The following STEAP4 variants were observed in gnomAD, a reference collection of about 807,000 sequenced individuals.
The protein encoded by STEAP4 is metalloreductase STEAP4.
In STEAP4, 36 loss-of-function variants were observed where a neutral mutation model predicts 43.6. The ratio of observed to expected loss-of-function variants is 0.83; its 90% confidence interval spans 0.63 to 1.09. The LOEUF (loss-of-function observed/expected upper bound fraction) is 1.09. STEAP4 is among the 50% of genes least tolerant of loss of function. The pLI, the probability that STEAP4 is intolerant of heterozygous loss-of-function variation, is 0.00. For missense variants in STEAP4, 495 were observed against 546.5 expected, an observed-to-expected ratio of 0.91 and a Z score of 0.94; for synonymous variants, 191 against 196.7, an observed-to-expected ratio of 0.97 and a Z score of 0.24.
rs560683521 is a variant in STEAP4 at position 88,271,323 on chromosome 7, C to T, written c.*8075G>A. The T allele has an allele frequency of 2.0e-5, 3 of 152,284 alleles. No individual in the cohort carries two copies. Among genetic ancestry groups the T allele is most frequent in the East Asian group, 1.9e-4 (1 of 5,192 alleles). The allele number at this position is 152,284 out of a possible 1,614,324, so 9.4% of individuals were successfully genotyped here. A position where few individuals can be genotyped will look rare whatever the true frequency, so the allele number is the denominator to read the frequency against. ...TGTCACTACTCCTCTGTTCTCCCAT[C>T]TTGTTTGGTATGGATCTTTTGAATC... On this transcript the variant is annotated 3_prime_UTR_variant, in exon 5 of 5. Coordinates refer to ENST00000380079, the MANE Select transcript of STEAP4 (RefSeq NM_024636.4).
At chr7:88,297,902 C>T (rs1362852051) in intron 1 of STEAP4, among the ~76,000 whole-genome samples, 1 of 152,092 alleles carries the variant, frequency 6.6e-6, no homozygotes, top group Non-Finnish European at 1.5e-5. Context: ...GCCAAGCCTA[C>T]CTTAAATATG....
intron 1 of STEAP4, among the ~76,000 whole-genome samples, chr7:88,286,584 C>T (rs544722783): frequency 5.5e-4 from 84 of 152,226 alleles, no homozygotes; most frequent in African/African-American, 1.8e-3. Context: ...TGGAGGCGCA[C>T]GCCTATAGTC....
At chr7:88,283,252 G>T in intron 2 of STEAP4, 84 bp from the exon 3 acceptor site, 1 of 1,339,030 alleles carries the variant, frequency 7.5e-7, no homozygotes, top group Middle Eastern at 1.9e-4. Flanking sequence ...ACAGCACCAT[G>T]CCAAATGATG....
In STEAP4 at chr7:88,303,196, A is replaced by C. The variant is rs562207830; in HGVS notation, c.-3+3596T>G. Among the ~76,000 whole-genome samples, 480 of 143,744 alleles carry C rather than the reference A, an allele frequency of 3.3e-3. 4 individuals carry two copies. The highest frequency in any genetic ancestry group is 0.011 in the African/African-American group (461 of 40,218). 94.3% of individuals were successfully genotyped at this position (143,744 alleles called of 152,430 possible). On this transcript the variant is annotated intron_variant, in intron 1 of 4. Coordinates refer to ENST00000380079, the MANE Select transcript of STEAP4 (RefSeq NM_024636.4). Reference sequence around the variant, plus strand: ...ATATAATCTGCATTAAAAAAAAAAAAAAAAAAAAAAAAACTCCAACCGGGC... The same window carrying C: ...ATATAATCTGCATTAAAAAAAAAAACAAAAAAAAAAAAACTCCAACCGGGC...
In STEAP4 at chr7:88,281,067, T is replaced by C. The variant is rs1474589419; in HGVS notation, c.997A>G (p.Lys333Glu). 20 of 1,586,734 alleles carry C rather than the reference T, an allele frequency of 1.3e-5. No individual in the cohort carries two copies. Among genetic ancestry groups the C allele is most frequent in the Non-Finnish European group, 1.6e-5 (19 of 1,171,120 alleles). The change falls in exon 4 of 5, where the codon AAG becomes GAG. Residue 333 changes from lysine (K) to glutamate (E), a missense_variant. Physicochemically the swap from Lys to Glu is moderately conservative, Grantham distance 56. Coordinates refer to ENST00000380079, the MANE Select transcript of STEAP4 (RefSeq NM_024636.4). ...GAGGAGGTGCTAAATGGATTCTCCT[T>C]CTTGAGTATTGCCTAAGAAAAATTA... ...NLTVTQAILK[K>E]ENPFSTSSAW...
rs1473401361 is a variant in STEAP4 at position 88,283,976 on chromosome 7, T to C, written c.294A>G (p.Gly98=). The C allele has an allele frequency of 3.7e-6, 6 of 1,614,092 alleles. No individual in the cohort carries two copies. The South Asian group carries it at 6.6e-5, about 18-fold the overall frequency. The change falls in exon 2 of 5, where the codon GGA becomes GGG. Residue 98 remains glycine, a synonymous_variant. Transcript: ENST00000380079. ...FLTELTEVLN[G]KILVDISNNL... ...TGTTGCTGATGTCTACCAATATTTT[T>C]CCATTGAGAACCTCAGTTAATTCTG...
chr7:88,287,553 A>G (rs1164808069), intron 1 of STEAP4, among the ~76,000 whole-genome samples: 1 of 152,204 alleles, frequency 6.6e-6, no homozygotes, highest in African/African-American at 2.4e-5. Flanking sequence ...GAGTTCTTAA[A>G]GATAATTTAA....
At chr7:88,300,793 G>A (rs1853019601) in intron 1 of STEAP4, among the ~76,000 whole-genome samples, 1 of 152,098 alleles carries the variant, frequency 6.6e-6, no homozygotes, top group South Asian at 2.1e-4. Context: ...TTGGGCTGAT[G>A]GGATAATACC....
rs1194669132 is a variant in STEAP4 at position 88,283,045 on chromosome 7, G to A, written c.580C>T (p.Leu194=). 5 of 1,613,634 alleles carry A rather than the reference G, an allele frequency of 3.1e-6. No individual in the cohort carries two copies. In the African/African-American group the frequency reaches 4.0e-5, roughly 13 times the overall value. The change falls in exon 3 of 5, where the codon CTG becomes TTG. Residue 194 remains leucine (L), a synonymous_variant. Transcript: ENST00000380079. ...AACCTCCACATTGGAAATAGCTGCA[G>A]GGGGTACTTTTCAATTTCTTTGGCT... ...MAAKEIEKYP[L]QLFPMWRFPF...
At chr7:88,283,228 T>A in intron 2 of STEAP4, 60 bp from the exon 3 acceptor site, 2 of 1,474,284 alleles carry the variant, frequency 1.4e-6, no homozygotes, top group Admixed American at 2.4e-5. Flanking sequence ...TAATAATTAT[T>A]TTGAAAGGCT....
intron 1 of STEAP4, among the ~76,000 whole-genome samples, chr7:88,287,591 G>A (rs1190012206): frequency 1.3e-5 from 2 of 152,180 alleles, no homozygotes; most frequent in Admixed American, 6.5e-5. Flanking sequence ...AAAGTGGGAA[G>A]TGCTGATTGG....
At chr7:88,282,349 A>G (rs1176196511) in intron 3 of STEAP4, 3 of 363,568 alleles carry the variant, frequency 8.3e-6, no homozygotes, top group Admixed American at 4.4e-5. Flanking sequence ...GGGTTTCACC[A>G]TGTTGGCCAG....
chr7:88,285,756 C>CAAAAAAAAAAAA (rs371254467), intron 1 of STEAP4, among the ~76,000 whole-genome samples: 1 of 78,388 alleles, frequency 1.3e-5, no homozygotes, highest in African/African-American at 5.2e-5. Context: ...GACTTTGTCT[C>CAAAAAAAAAAAA]AAAAAAAAAA....
intron 2 of STEAP4, chr7:88,283,422 C>T (rs1586744722): frequency 4.0e-6 from 2 of 495,580 alleles, no homozygotes; most frequent in Non-Finnish European, 3.5e-6. Context: ...TGGTTCTCCA[C>T]ACTGTGAGTA....
At position 88,274,877 on chromosome 7, in the gene STEAP4, T is replaced by C. The variant is rs1050845699; in HGVS notation, c.*4521A>G. On this transcript the variant is annotated 3_prime_UTR_variant, in exon 5 of 5. Transcript: ENST00000380079. ...GTGGGAGTGTATTTTAGGCTGCTAA[T>C]ATATTATAATTAGCATATAATGAAC... The C allele has an allele frequency of 1.3e-5, 2 of 152,290 alleles. No individual in the cohort carries two copies. Among genetic ancestry groups the C allele is most frequent in the Middle Eastern group, 3.4e-3 (1 of 294 alleles). 9.4% of individuals were successfully genotyped at this position (152,290 alleles called of 1,614,324 possible).
chr7:88,282,533 A>C, intron 3 of STEAP4, 108 bp downstream of exon 3: 1 of 1,084,282 alleles, frequency 9.2e-7, no homozygotes, highest in Non-Finnish European at 1.3e-6. Context: ...GTTACTTTAA[A>C]AAAGAAGATG....
In STEAP4 at chr7:88,275,384, G is replaced by C. The variant is rs141215239; in HGVS notation, c.*4014C>G. 6.6e-6 allele frequency: 1 copy of C among 152,156 alleles called. No homozygotes were observed. Among genetic ancestry groups the C allele is most frequent in the African/African-American group, 2.4e-5 (1 of 41,396 alleles). The allele number at this position is 152,156 out of a possible 1,614,324, so 9.4% of individuals were successfully genotyped here. ...TGGGATTACAGGTGTGAGTCACTGCGCCCGGCCAGTCTCAGGCTTATTTTA... is the reference window on the plus strand; with the variant it reads ...TGGGATTACAGGTGTGAGTCACTGCCCCCGGCCAGTCTCAGGCTTATTTTA... On this transcript the variant is annotated 3_prime_UTR_variant, in exon 5 of 5. Coordinates refer to ENST00000380079, the MANE Select transcript of STEAP4 (RefSeq NM_024636.4).
chr7:88,298,843 GA>G (rs1852977216), intron 1 of STEAP4, among the ~76,000 whole-genome samples: 1 of 152,098 alleles, frequency 6.6e-6, no homozygotes, highest in African/African-American at 2.4e-5. Context: ...TGTTTTGTGA[GA>G]AAATGTTTTG....
rs1206618528 is a variant in STEAP4 at position 88,275,117 on chromosome 7, G to C, written c.*4281C>G. ...ATTTATTTATTTATTTTGAGACGGA[G>C]TTTCACTCTTGTCACCCAGGCTGGA... On this transcript the variant is annotated 3_prime_UTR_variant, in exon 5 of 5. Transcript: ENST00000380079. The C allele has an allele frequency of 1.3e-5, 2 of 152,400 alleles. No homozygotes were observed. The highest frequency in any genetic ancestry group is 2.9e-5 in the Non-Finnish European group (2 of 68,268). The allele number at this position is 152,400 out of a possible 1,614,324, so 9.4% of individuals were successfully genotyped here. A position where few individuals can be genotyped will look rare whatever the true frequency, so the allele number is the denominator to read the frequency against.
Sources: gnomAD v4.1 joint callset for allele counts (sites outside exome capture counted in the v4.1 genomes callset) on GRCh38, gnomAD v4.1.1 for gene constraint, MANE v1.5 for transcripts, NCBI Gene and HGNC (gene_info 2026-07-23, HGNC 2026-07-21) for gene names.